PLD5: variants seen among roughly 807,000 people sequenced by gnomAD.
PLD5 encodes phospholipase D family member 5.
Under a neutral mutation model 61.1 loss-of-function variants are expected in PLD5, and 36 were observed. The ratio of observed to expected loss-of-function variants is 0.59; its 90% CI spans 0.45 to 0.78. The LOEUF (loss-of-function observed/expected upper bound fraction) is 0.78. PLD5 is among the 30% of genes least tolerant of loss of function. The pLI, the probability that PLD5 is intolerant of heterozygous loss-of-function variation, is 0.00. For missense variants in PLD5, 515 were observed against 644.4 expected (o/e 0.80, Z 2.17); for synonymous variants, 243 against 242.8 (o/e 1.00, Z -0.01).
At chr1:242,355,133 T>A (rs1225229386) in intron 1 of PLD5, among the ~76,000 whole-genome samples, 1 of 152,222 alleles carries the variant, frequency 6.6e-6, no homozygotes, top group Non-Finnish European at 1.5e-5. Flanking sequence ...AATGCTGACT[T>A]TGTAAAAAGA....
chr1:242,130,798 A>G (rs535980764), intron 5 of PLD5, among the ~76,000 whole-genome samples: 31 of 152,300 alleles, frequency 2.0e-4, no homozygotes, highest in Non-Finnish European at 4.3e-4. Flanking sequence ...AAGTTAAATG[A>G]TTGACTGAAT....
intron 1 of PLD5, among the ~76,000 whole-genome samples, chr1:242,479,793 C>T (rs1016165004): frequency 2.0e-5 from 3 of 151,806 alleles, no homozygotes; most frequent in African/African-American, 7.3e-5. Context: ...CCTGTAATCC[C>T]AGCACTTTGG....
intron 1 of PLD5, among the ~76,000 whole-genome samples, chr1:242,362,259 A>G (rs1284587284): frequency 2.0e-5 from 3 of 152,152 alleles, no homozygotes; most frequent in Admixed American, 2.0e-4. Context: ...GGACTCAAAG[A>G]CATTTGGCCA....
chr1:242,294,901 C>T (rs529736487), intron 2 of PLD5, among the ~76,000 whole-genome samples: 149 of 152,322 alleles, frequency 9.8e-4, no homozygotes, highest in African/African-American at 3.4e-3. Flanking sequence ...GGTGCCTACA[C>T]GACATTTTCA....
chr1:242,198,525 GAAC>G (rs1446684791), intron 5 of PLD5, among the ~76,000 whole-genome samples: 1 of 151,194 alleles, frequency 6.6e-6, no homozygotes, highest in East Asian at 1.9e-4. Context: ...TATTAAATTA[GAAC>G]AAAACAAAAA....
chr1:242,163,142 C>T (rs376791761), intron 5 of PLD5, among the ~76,000 whole-genome samples: 1 of 131,146 alleles, frequency 7.6e-6, no homozygotes, highest in South Asian at 2.5e-4. Context: ...ATTTTCTTTT[C>T]TTTTCTTTCT....
At chr1:242,287,008 G>A (rs1158892547) in intron 3 of PLD5, among the ~76,000 whole-genome samples, 1 of 152,114 alleles carries the variant, frequency 6.6e-6, no homozygotes, top group Non-Finnish European at 1.5e-5. Context: ...GTACTTGGAT[G>A]TTGCTCCTCC....
chr1:242,299,536 C>T (rs887496521), intron 2 of PLD5, among the ~76,000 whole-genome samples: 6 of 152,168 alleles, frequency 3.9e-5, no homozygotes, highest in Admixed American at 6.5e-5. Flanking sequence ...TAGAGTGTAT[C>T]GTCTTAATCA....
intron 1 of PLD5, among the ~76,000 whole-genome samples, chr1:242,418,284 A>C (rs1456850204): frequency 6.6e-6 from 1 of 152,132 alleles, no homozygotes; most frequent in Non-Finnish European, 1.5e-5. Flanking sequence ...GGAGAACCTA[A>C]TTTTAGAGGG....
chr1:242,479,336 T>C (rs1221030834), intron 1 of PLD5, among the ~76,000 whole-genome samples: 2 of 152,176 alleles, frequency 1.3e-5, no homozygotes, highest in African/African-American at 4.8e-5. Context: ...TTTAGCAAGG[T>C]CATGAAATAT....
chr1:242,252,857 CT>C (rs2149084386), intron 4 of PLD5, among the ~76,000 whole-genome samples: 1 of 142,108 alleles, frequency 7.0e-6, no homozygotes, highest in African/African-American at 2.6e-5. Flanking sequence ...CACTCTGTCA[CT>C]CAGGCTGGAG....
At position 242,089,751 on chromosome 1, in the gene PLD5, T is replaced by C; in HGVS notation, c.*103A>G. On this transcript the variant is annotated 3_prime_UTR_variant, in exon 10 of 10. Transcript: ENST00000536534. ...CAGAGAATATTTTTTATAAGTGTGC[T>C]TTTTCCCTAAAAAAAGAGACATATT... is the stretch of plus-strand genomic sequence containing the variant. 1 of 1,439,196 alleles carries C rather than the reference T, an allele frequency of 6.9e-7. No individual in the cohort carries two copies. The highest frequency in any genetic ancestry group is 9.6e-7 in the Non-Finnish European group (1 of 1,046,954). 89.2% of individuals were successfully genotyped at this position (1,439,196 alleles called of 1,614,324 possible). A position where few individuals can be genotyped will look rare whatever the true frequency, so the allele number is the denominator to read the frequency against.
At chr1:242,402,273 T>G (rs1270958595) in intron 1 of PLD5, among the ~76,000 whole-genome samples, 1 of 151,770 alleles carries the variant, frequency 6.6e-6, no homozygotes, top group African/African-American at 2.4e-5. Context: ...CCAGAAAAAA[T>G]AGAACAAGTA....
intron 1 of PLD5, among the ~76,000 whole-genome samples, chr1:242,502,375 C>A (rs978512384): frequency 6.6e-6 from 1 of 152,066 alleles, no homozygotes; most frequent in Non-Finnish European, 1.5e-5. Flanking sequence ...CGCATACTGC[C>A]CTTTAAAGGA....
chr1:242,403,368 G>A (rs997428083), intron 1 of PLD5, among the ~76,000 whole-genome samples: 5 of 152,234 alleles, frequency 3.3e-5, no homozygotes, highest in African/African-American at 1.2e-4. Flanking sequence ...ACAGGCGCAA[G>A]CCAGAATTGG....
intron 6 of PLD5, among the ~76,000 whole-genome samples, chr1:242,117,889 T>C (rs1313102253): frequency 6.6e-6 from 1 of 152,226 alleles, no homozygotes; most frequent in Non-Finnish European, 1.5e-5. Context: ...TGGCTCTGCT[T>C]TAAAGGTTCT....
At chr1:242,335,190 C>T (rs939607838) in intron 2 of PLD5, among the ~76,000 whole-genome samples, 1 of 151,656 alleles carries the variant, frequency 6.6e-6, no homozygotes, top group Non-Finnish European at 1.5e-5. Context: ...AAGAGTTTTT[C>T]CTTCCTAATG....
At chr1:242,520,378 A>G (rs1669242719) in intron 1 of PLD5, among the ~76,000 whole-genome samples, 1 of 152,164 alleles carries the variant, frequency 6.6e-6, no homozygotes, top group African/African-American at 2.4e-5. Context: ...TTCCTGCACT[A>G]CAGACATGGA....
Position 242,434,192 on chromosome 1 carries a change from T to C in PLD5, c.190-85950A>G, listed in dbSNP as rs561062772. The stretch of plus-strand genomic sequence containing the variant: ...GTGTAGGCAGAAGGTGATGCTGGCA[T>C]GGACCAGCGTCGGTAGAAATGGTGG... On this transcript the variant is annotated intron_variant, in intron 1 of 9. Coordinates refer to ENST00000536534, the MANE Select transcript of PLD5 (RefSeq NM_001372062.1). 3.8e-3 allele frequency among the ~76,000 whole-genome samples: 580 copies of C among 152,336 alleles called. 5 individuals are homozygous for C. The highest frequency in any genetic ancestry group is 0.013 in the African/African-American group (547 of 41,578).
Sources: allele counts gnomAD v4.1 joint callset (sites outside exome capture counted in the v4.1 genomes callset), GRCh38; gene constraint gnomAD v4.1.1; transcripts MANE v1.5; gene names NCBI Gene and HGNC (gene_info 2026-07-23, HGNC 2026-07-21).